The following PPFIA2 variants were observed in gnomAD, a reference collection of about 807,000 sequenced individuals.
The protein encoded by PPFIA2 is PPFI scaffold protein A2.
In PPFIA2, 46 loss-of-function variants were observed where a neutral mutation model predicts 175.5. The observed-to-expected ratio is 0.26, with a 90% CI of 0.21 to 0.34. PPFIA2 has a LOEUF of 0.34. PPFIA2 is among the 10% of genes least tolerant of loss of function. PPFIA2 has a pLI of 1.00. For synonymous variants in PPFIA2, 568 were observed against 511.4 expected, an observed-to-expected ratio of 1.11 and a Z score of -1.49; for missense variants, 1,179 against 1,506.1, an observed-to-expected ratio of 0.78 and a Z score of 3.60.
chr12:81,624,837 G>A (rs1389560231), intron 4 of PPFIA2, among the ~76,000 whole-genome samples: 1 of 150,392 alleles, frequency 6.6e-6, no homozygotes, highest in Non-Finnish European at 1.5e-5. Flanking sequence ...GGGGAGGGTG[G>A]AGGGTGACCA....
At chr12:81,611,828 C>T (rs1011037634) in intron 4 of PPFIA2, among the ~76,000 whole-genome samples, 1 of 152,078 alleles carries the variant, frequency 6.6e-6, no homozygotes, top group African/African-American at 2.4e-5. Context: ...CTGCCTATTC[C>T]CTGGAGAGAT....
chr12:81,289,931 A>G (rs182306493), intron 24 of PPFIA2, among the ~76,000 whole-genome samples: 24 of 151,942 alleles, frequency 1.6e-4, no homozygotes, highest in African/African-American at 5.8e-4. Flanking sequence ...AGCTTGGAGA[A>G]AAGAAACAGA....
intron 8 of PPFIA2, among the ~76,000 whole-genome samples, chr12:81,390,609 TATTA>T (rs2039938962): frequency 1.3e-5 from 2 of 152,038 alleles, no homozygotes; most frequent in African/African-American, 2.4e-5. Flanking sequence ...TTTGCCTTCA[TATTA>T]ATTGATTTAC....
intron 3 of PPFIA2, among the ~76,000 whole-genome samples, chr12:81,708,875 C>G: frequency 6.6e-6 from 1 of 152,072 alleles, no homozygotes; most frequent in East Asian, 1.9e-4. Flanking sequence ...TTAGGGAAGA[C>G]AAAACAGTGT....
At chr12:81,553,333 G>A (rs185342158) in intron 4 of PPFIA2, among the ~76,000 whole-genome samples, 251 of 152,108 alleles carry the variant, frequency 1.7e-3, no homozygotes, top group Non-Finnish European at 2.7e-3. Context: ...AATATTAATG[G>A]TGGTAAATTG....
intron 7 of PPFIA2, 112 bp from the exon 8 acceptor site, chr12:81,406,015 G>A: frequency 1.8e-6 from 1 of 552,894 alleles, no homozygotes; most frequent in South Asian, 2.7e-5. Flanking sequence ...CAAATAACCA[G>A]AAAGTGAACA....
At chr12:81,413,331 A>C (rs1170035038) in intron 7 of PPFIA2, among the ~76,000 whole-genome samples, 1 of 151,900 alleles carries the variant, frequency 6.6e-6, no homozygotes, top group East Asian at 1.9e-4. Context: ...GGATGTATAC[A>C]TGGAGAAGAA....
At chr12:81,573,874 G>T (rs913450882) in intron 4 of PPFIA2, among the ~76,000 whole-genome samples, 1 of 151,922 alleles carries the variant, frequency 6.6e-6, no homozygotes, top group East Asian at 1.9e-4. Flanking sequence ...GTAGTTCTTT[G>T]TAACCTAAAA....
chr12:81,585,323 A>C (rs1323214129), intron 4 of PPFIA2, among the ~76,000 whole-genome samples: 4 of 151,058 alleles, frequency 2.6e-5, no homozygotes, highest in African/African-American at 9.7e-5. Flanking sequence ...TCCTTCAATG[A>C]TAAATTAGCC....
At chr12:81,746,518 T>C (rs889599352) in intron 3 of PPFIA2, among the ~76,000 whole-genome samples, 2 of 143,558 alleles carry the variant, frequency 1.4e-5, no homozygotes, top group African/African-American at 4.9e-5. Flanking sequence ...GAGAATAAAC[T>C]TGGAGAATAA....
chr12:81,501,558 A>G (rs918132338), intron 4 of PPFIA2, among the ~76,000 whole-genome samples: 1 of 152,144 alleles, frequency 6.6e-6, no homozygotes, highest in Non-Finnish European at 1.5e-5. Context: ...GGCACTTACT[A>G]GATTACCAAA....
At chr12:81,333,095 G>A (rs1229374175) in intron 21 of PPFIA2, among the ~76,000 whole-genome samples, 1 of 152,120 alleles carries the variant, frequency 6.6e-6, no homozygotes, top group Non-Finnish European at 1.5e-5. Flanking sequence ...TCCAATGCTT[G>A]GATCCCCTCC....
chr12:81,506,758 T>C lies in PPFIA2; in HGVS notation c.304-48892A>G, dbSNP rs76666151. Among the ~76,000 whole-genome samples, 1,028 of 152,342 alleles carry C rather than the reference T, an allele frequency of 6.7e-3. 10 individuals are homozygous for C. The highest frequency in any genetic ancestry group is 0.023 in the African/African-American group (972 of 41,582). Reference sequence around the variant, plus strand: ...ACCTTTATTTCTGCAAAGGGCCAGATAGTAAATAATTTAGGCTTTTCTGAC... The same window carrying C: ...ACCTTTATTTCTGCAAAGGGCCAGACAGTAAATAATTTAGGCTTTTCTGAC... On this transcript the variant is annotated intron_variant, in intron 4 of 32. Coordinates refer to ENST00000549396, the MANE Select transcript of PPFIA2 (RefSeq NM_003625.5).
intron 15 of PPFIA2, among the ~76,000 whole-genome samples, chr12:81,358,863 T>C (rs1019711836): frequency 4.6e-5 from 7 of 152,114 alleles, no homozygotes; most frequent in Admixed American, 1.3e-4. Flanking sequence ...TTCAAAAGGA[T>C]GAAGAAAAAT....
intron 4 of PPFIA2, among the ~76,000 whole-genome samples, chr12:81,602,421 G>GCTTATGTTTCAATTCAAACATTCTAT (rs2059891089): frequency 6.8e-6 from 1 of 148,026 alleles, no homozygotes; most frequent in African/African-American, 2.6e-5. Flanking sequence ...GTTCCCAGAA[G>GCTTATGTTTCAATTCAAACATTCTAT]TAAGTAGATG....
rs191599367 is a variant in PPFIA2, at chr12:81,466,039, A to G, written c.304-8173T>C. 5.8e-4 allele frequency among the ~76,000 whole-genome samples: 88 copies of G among 152,266 alleles called. 1 individual carries two copies. The highest frequency in any genetic ancestry group is 2.1e-3 in the African/African-American group (87 of 41,546). On this transcript the variant is annotated intron_variant, in intron 4 of 32. Coordinates refer to ENST00000549396, the MANE Select transcript of PPFIA2 (RefSeq NM_003625.5). ...ATGCTGTCATCCAAAATTACTGTGC[A>G]AAACAGTAATGTCTCACGGTCAGCC...
chr12:81,499,217 A>G (rs2060338460), intron 4 of PPFIA2, among the ~76,000 whole-genome samples: 1 of 152,218 alleles, frequency 6.6e-6, no homozygotes, highest in Admixed American at 6.5e-5. Context: ...AGGGTGCACC[A>G]TTCCACATCT....
At chr12:81,457,431 T>C (rs886195220) in intron 5 of PPFIA2, among the ~76,000 whole-genome samples, 21 of 152,228 alleles carry the variant, frequency 1.4e-4, no homozygotes, top group African/African-American at 4.8e-4. Flanking sequence ...TCTGAGGGAT[T>C]ACCCTACCCC....
At chr12:81,509,875 A>T (rs572455574) in intron 4 of PPFIA2, among the ~76,000 whole-genome samples, 13 of 152,286 alleles carry the variant, frequency 8.5e-5, no homozygotes, top group African/African-American at 2.4e-4. Flanking sequence ...TCTTCATCAG[A>T]AGTAAAAAGT....
Sources: allele counts gnomAD v4.1 joint callset (sites outside exome capture counted in the v4.1 genomes callset), GRCh38; gene constraint gnomAD v4.1.1; transcripts MANE v1.5; gene names NCBI Gene and HGNC (gene_info 2026-07-23, HGNC 2026-07-21).